PHEX: variants seen among roughly 807,000 people sequenced by gnomAD.
The protein encoded by PHEX is phosphate-regulating neutral endopeptidase PHEX.
In PHEX, 16 loss-of-function variants were observed where a neutral mutation model predicts 68.0. That is an observed-to-expected ratio of 0.24 (90% confidence interval 0.16 to 0.36). The LOEUF (loss-of-function observed/expected upper bound fraction) is 0.36, where lower values mean the gene tolerates loss of function less well. PHEX is among the 10% of genes least tolerant of loss of function. The probability of loss-of-function intolerance (pLI) is 1.00; values close to 1 mark genes in which losing one functional copy is unlikely to be tolerated. For missense variants in PHEX, 480 were observed against 575.5 expected, an observed-to-expected ratio of 0.83 and a Z score of 1.70; for synonymous variants, 208 against 205.1, an observed-to-expected ratio of 1.01 and a Z score of -0.12.
At chrX:22,113,008 TG>T (rs1931052841) in intron 10 of PHEX, among the ~76,000 whole-genome samples, 1 of 32,711 alleles carries the variant, frequency 3.1e-5, no homozygotes, top group Non-Finnish European at 4.8e-5. Flanking sequence ...GTAGGTTTTG[TG>T]TGTGTGTGTG....
At chrX:22,241,878 A>C (rs749835649) in intron 20 of PHEX, among the ~76,000 whole-genome samples, 2 of 112,392 alleles carry the variant, frequency 1.8e-5, no homozygotes, top group South Asian at 7.4e-4. Context: ...TTCCTTCTGA[A>C]ACTATTCCAA....
intron 11 of PHEX, among the ~76,000 whole-genome samples, chrX:22,130,384 A>G (rs1003220332): frequency 9.2e-6 from 1 of 109,075 alleles, no homozygotes; most frequent in African/African-American, 3.3e-5. Context: ...TACTAAAAAT[A>G]CACAAAAATT....
intron 20 of PHEX, among the ~76,000 whole-genome samples, chrX:22,237,146 A>C (rs888368640): frequency 1.8e-5 from 2 of 112,380 alleles, no homozygotes; most frequent in African/African-American, 3.2e-5. Context: ...AAACAGTAGC[A>C]GGCATAATGT....
chrX:22,248,310 T>C lies in PHEX; in HGVS notation c.*357T>C, dbSNP rs1235496565. On this transcript the variant is annotated 3_prime_UTR_variant, in exon 22 of 22. Transcript: ENST00000379374. The stretch of plus-strand genomic sequence containing the variant: ...TCAATCTATAGCTTTGTGGGAAGCC[T>C]AAATTGATGTATCCTTTAAAAGTTC... 6.0e-5 allele frequency: 13 copies of C among 216,028 alleles called. No individual in the cohort carries two copies. Among genetic ancestry groups the C allele is most frequent in the Non-Finnish European group, 1.0e-4 (12 of 118,572 alleles). 17.8% of individuals were successfully genotyped at this position (216,028 alleles called of 1,213,427 possible).
intron 3 of PHEX, among the ~76,000 whole-genome samples, chrX:22,056,763 AAATAATAATAATAAT>A (rs59624310): frequency 3.9e-4 from 36 of 93,282 alleles, no homozygotes; most frequent in Non-Finnish European, 4.6e-4. Flanking sequence ...CTCTGTCTCA[AAATAATAATAATAAT>A]AATAATAATA....
At chrX:22,145,132 G>A (rs1174138620) in intron 12 of PHEX, among the ~76,000 whole-genome samples, 2 of 111,975 alleles carry the variant, frequency 1.8e-5, no homozygotes, top group African/African-American at 3.2e-5. Context: ...AGGGCGATCC[G>A]TGTGTTCAGG....
At chrX:22,099,287 C>A (rs1354777553) in intron 9 of PHEX, 136 bp downstream of exon 9, 2 of 605,714 alleles carry the variant, frequency 3.3e-6, no homozygotes, top group Non-Finnish European at 5.4e-6. Flanking sequence ...TCCCGGTGTC[C>A]TTTGTGATGA....
intron 12 of PHEX, chrX:22,163,312 TTTGTTGTTG>T (rs752041254): frequency 3.2e-4 from 36 of 111,319 alleles, no homozygotes; most frequent in African/African-American, 9.1e-4. Context: ...ACACAGCTAT[TTTGTTGTTG>T]TTGTTGTTGT....
Position 22,049,876 on chromosome X carries a change from A to AT in PHEX, c.349+2665_349+2666insT, listed in dbSNP as rs1486438456. Reference sequence around the variant, plus strand: ...GAAACTCTGTCTCAAAAAAAAAAAAAGTTTGTTTCTAGGTCTTTATATTTT... The same window carrying AT: ...GAAACTCTGTCTCAAAAAAAAAAAAATGTTTGTTTCTAGGTCTTTATATTTT... On this transcript the variant is annotated intron_variant, in intron 3 of 21. Coordinates refer to ENST00000379374, the MANE Select transcript of PHEX (RefSeq NM_000444.6). 1.8e-4 allele frequency among the ~76,000 whole-genome samples: 20 copies of AT among 111,520 alleles called. 1 individual carries two copies. Among genetic ancestry groups the AT allele is most frequent in the Non-Finnish European group, 3.8e-5 (2 of 53,039 alleles).
At chrX:22,143,286 C>T (rs1932544076) in intron 12 of PHEX, among the ~76,000 whole-genome samples, 1 of 112,204 alleles carries the variant, frequency 8.9e-6, no homozygotes, top group Non-Finnish European at 1.9e-5. Flanking sequence ...GAAGAAAGGA[C>T]TTGAAATGTT....
chrX:22,119,493 G>C (rs2147071035), intron 11 of PHEX, among the ~76,000 whole-genome samples: 1 of 111,449 alleles, frequency 9.0e-6, no homozygotes, highest in East Asian at 2.8e-4. Flanking sequence ...TAAATGGCAG[G>C]AGAGAGGATT....
At chrX:22,223,487 G>T (rs911327674) in intron 18 of PHEX, among the ~76,000 whole-genome samples, 2 of 111,844 alleles carry the variant, frequency 1.8e-5, no homozygotes, top group Non-Finnish European at 3.8e-5. Context: ...ACTCATGCCT[G>T]TATTCTAAAC....
chrX:22,073,643 T>TG (rs1480066124), intron 3 of PHEX, among the ~76,000 whole-genome samples: 3 of 92,430 alleles, frequency 3.2e-5, no homozygotes, highest in Admixed American at 2.3e-4. Flanking sequence ...TAGTTTTTTT[T>TG]TTTTTTTTTT....
At chrX:22,218,719 TA>T (rs1262038040) in intron 16 of PHEX, among the ~76,000 whole-genome samples, 1 of 112,223 alleles carries the variant, frequency 8.9e-6, no homozygotes, top group Non-Finnish European at 1.9e-5. Context: ...CTATAGCAGA[TA>T]AAAAAATCAT....
intron 16 of PHEX, among the ~76,000 whole-genome samples, chrX:22,218,671 C>A (rs1040215283): frequency 9.0e-6 from 1 of 111,561 alleles, no homozygotes; most frequent in African/African-American, 3.3e-5. Context: ...CTGACAGGAT[C>A]TTTTCAAGCC....
chrX:22,101,735 C>T (rs760495209), intron 9 of PHEX, among the ~76,000 whole-genome samples: 1 of 111,269 alleles, frequency 9.0e-6, no homozygotes, highest in Non-Finnish European at 1.9e-5. Flanking sequence ...ATCCATAAGC[C>T]AGAACTCAGT....
chrX:22,168,707 A>G (rs1378243345), intron 13 of PHEX, among the ~76,000 whole-genome samples: 1 of 112,467 alleles, frequency 8.9e-6, no homozygotes, highest in East Asian at 2.8e-4. Context: ...GGCATGTTCT[A>G]ATGGCAAATG....
At chrX:22,229,912 A>T (rs767030284) in intron 20 of PHEX, among the ~76,000 whole-genome samples, 1 of 111,666 alleles carries the variant, frequency 9.0e-6, no homozygotes, top group South Asian at 3.7e-4. Context: ...ATCTTGAGTT[A>T]ATTTTTGTAT....
chrX:22,165,430 T>C (rs1176037092), intron 12 of PHEX, among the ~76,000 whole-genome samples: 1 of 111,429 alleles, frequency 9.0e-6, no homozygotes, highest in Admixed American at 9.6e-5. Flanking sequence ...ACCTCAGAGT[T>C]TGTCCTGAAT....
Sources: allele counts gnomAD v4.1 joint callset (sites outside exome capture counted in the v4.1 genomes callset), GRCh38; gene constraint gnomAD v4.1.1; transcripts MANE v1.5; gene names NCBI Gene and HGNC (gene_info 2026-07-23, HGNC 2026-07-21).